GRM3: variants seen among roughly 807,000 people sequenced by gnomAD.
The protein encoded by GRM3 is glutamate metabotropic receptor 3.
In GRM3, 26 loss-of-function variants were observed where a neutral mutation model predicts 70.5. That is an observed-to-expected ratio of 0.37 (90% CI 0.27 to 0.51). The LOEUF (loss-of-function observed/expected upper bound fraction) is 0.51, where lower values mean the gene tolerates loss of function less well. Among genes scored for constraint, GRM3 ranks in the 20% least tolerant of loss-of-function variants. The probability of loss-of-function intolerance (pLI) is 0.93; values close to 1 mark genes in which losing one functional copy is unlikely to be tolerated. For synonymous variants in GRM3, 443 were observed against 434.9 expected, an observed-to-expected ratio of 1.02 and a Z score of -0.23; for missense variants, 859 against 1,123.8, an observed-to-expected ratio of 0.76 and a Z score of 3.37.
At chr7:86,825,389 G>T (rs1798211570) in intron 3 of GRM3, among the ~76,000 whole-genome samples, 1 of 152,220 alleles carries the variant, frequency 6.6e-6, no homozygotes, top group Admixed American at 6.5e-5. Flanking sequence ...TATGCTTGAA[G>T]ATTTGACAAG....
chr7:86,646,408 T>C (rs1793473990), intron 1 of GRM3, among the ~76,000 whole-genome samples: 2 of 152,258 alleles, frequency 1.3e-5, no homozygotes, highest in East Asian at 1.9e-4. Flanking sequence ...CAGGAGTACA[T>C]AGATATTTTG....
chr7:86,712,583 A>T (rs979253051), intron 1 of GRM3, among the ~76,000 whole-genome samples: 1 of 151,976 alleles, frequency 6.6e-6, no homozygotes, highest in Non-Finnish European at 1.5e-5. Flanking sequence ...ACTAGGTCGT[A>T]TTTCTTTTTA....
At chr7:86,721,957 G>A (rs772890111) in intron 1 of GRM3, among the ~76,000 whole-genome samples, 17 of 152,116 alleles carry the variant, frequency 1.1e-4, no homozygotes, top group Non-Finnish European at 1.8e-4. Flanking sequence ...AACTAGAATT[G>A]GCAGAACCTT....
At chr7:86,820,667 C>T (rs892742045) in intron 3 of GRM3, among the ~76,000 whole-genome samples, 1 of 152,034 alleles carries the variant, frequency 6.6e-6, no homozygotes, top group Non-Finnish European at 1.5e-5. Flanking sequence ...GGCTCCTTGC[C>T]TTCAGTCTCA....
At chr7:86,751,337 G>A (rs1293813854) in intron 1 of GRM3, among the ~76,000 whole-genome samples, 2 of 152,024 alleles carry the variant, frequency 1.3e-5, no homozygotes, top group African/African-American at 4.8e-5. Context: ...TTTGAGTTAT[G>A]TTTTGTTTAG....
In GRM3 at chr7:86,644,882, C is replaced by T; in HGVS notation, c.-141+10C>T. 7.8e-7 allele frequency: 1 copy of T among 1,274,520 alleles called. No individual in the cohort carries two copies. The highest frequency in any genetic ancestry group is 1.2e-5 in the South Asian group (1 of 80,672). The allele number at this position is 1,274,520 out of a possible 1,614,324, so 79.0% of individuals were successfully genotyped here. ...GAGTTGTCGGTGCGAGGTAAGGGTC[C>T]CAGAGGAGGACGTGTCCCTCTGGAG... On this transcript the variant is annotated intron_variant, in intron 1 of 5. Transcript: ENST00000361669.
At chr7:86,806,727 T>C (rs1017654666) in intron 3 of GRM3, among the ~76,000 whole-genome samples, 6 of 152,218 alleles carry the variant, frequency 3.9e-5, no homozygotes, top group Non-Finnish European at 7.3e-5. Flanking sequence ...TTTCCTTTGC[T>C]GTGCAGAAGC....
intron 1 of GRM3, among the ~76,000 whole-genome samples, chr7:86,652,078 G>A (rs1793619693): frequency 6.6e-6 from 1 of 152,056 alleles, no homozygotes; most frequent in Non-Finnish European, 1.5e-5. Flanking sequence ...CGTACTTCAC[G>A]ACCTTGTCTA....
At chr7:86,661,957 TATA>T (rs1421042233) in intron 1 of GRM3, among the ~76,000 whole-genome samples, 5 of 151,876 alleles carry the variant, frequency 3.3e-5, no homozygotes, top group Admixed American at 1.3e-4. Flanking sequence ...GCACATCTTA[TATA>T]ATAATATTTT....
intron 1 of GRM3, among the ~76,000 whole-genome samples, chr7:86,699,995 G>C (rs1380507613): frequency 6.6e-6 from 1 of 151,898 alleles, no homozygotes; most frequent in Non-Finnish European, 1.5e-5. Flanking sequence ...CCCACACTAG[G>C]CTTCACAGCA....
rs1797251842 is a variant in GRM3, at chr7:86,786,545, C to A, written c.753C>A (p.Asn251Lys). 1.9e-6 allele frequency: 3 copies of A among 1,614,092 alleles called. No individual in the cohort carries two copies. The highest frequency in any genetic ancestry group is 2.5e-6 in the Non-Finnish European group (3 of 1,180,048). The stretch of plus-strand genomic sequence containing the variant: ...CGGCGGAGAAGGTGGGCCGCTCCAA[C>A]ATCCGCAAGTCCTACGACAGCGTGA... ...IATAEKVGRSNIRKSYDSVIR... is the reference protein window; with the variant it reads ...IATAEKVGRSKIRKSYDSVIR... Residue 251 changes from asparagine (N) to lysine (K), a missense_variant, in exon 3 of 6, where the codon AAC becomes AAA. Coordinates refer to ENST00000361669, the MANE Select transcript of GRM3 (RefSeq NM_000840.3). This position sits in a 1 kb window ranked among gnomAD's most constrained non-coding sequence, Gnocchi z 6.0.
At chr7:86,663,959 T>C (rs1189714162) in intron 1 of GRM3, among the ~76,000 whole-genome samples, 1 of 151,930 alleles carries the variant, frequency 6.6e-6, no homozygotes, top group Non-Finnish European at 1.5e-5. Context: ...CAAGCTGTAT[T>C]CAGTGACATG....
chr7:86,680,843 A>T (rs1740186422), intron 1 of GRM3, among the ~76,000 whole-genome samples: 2 of 152,094 alleles, frequency 1.3e-5, no homozygotes, highest in African/African-American at 4.8e-5. Context: ...TTTCATAGGT[A>T]CTTCTTTTTG....
At chr7:86,807,964 A>T (rs1206376571) in intron 3 of GRM3, among the ~76,000 whole-genome samples, 1 of 152,092 alleles carries the variant, frequency 6.6e-6, no homozygotes, top group Non-Finnish European at 1.5e-5. Flanking sequence ...AGGGCTGTTG[A>T]ATTTTGTTGA....
At chr7:86,660,999 G>A (rs960074314) in intron 1 of GRM3, among the ~76,000 whole-genome samples, 1 of 151,910 alleles carries the variant, frequency 6.6e-6, no homozygotes, top group Non-Finnish European at 1.5e-5. Context: ...AATAATTCCT[G>A]TCCTCAAAGA....
At chr7:86,767,891 C>T (rs1180781277) in intron 2 of GRM3, among the ~76,000 whole-genome samples, 1 of 152,004 alleles carries the variant, frequency 6.6e-6, no homozygotes, top group South Asian at 2.1e-4. Context: ...ATGTGGGCTA[C>T]CAAAACCCTG....
At chr7:86,843,357 A>G (rs950204610) in intron 4 of GRM3, among the ~76,000 whole-genome samples, 2 of 152,226 alleles carry the variant, frequency 1.3e-5, no homozygotes, top group African/African-American at 2.4e-5. Flanking sequence ...AGACGCATCC[A>G]TAATATGAAG....
chr7:86,831,903 T>C (rs1584270004), intron 3 of GRM3, among the ~76,000 whole-genome samples: 1 of 152,022 alleles, frequency 6.6e-6, no homozygotes, highest in African/African-American at 2.4e-5. Flanking sequence ...GACTGAGTAC[T>C]GAAGACATCT....
At chr7:86,692,922 G>A (rs1460778353) in intron 1 of GRM3, among the ~76,000 whole-genome samples, 1 of 152,172 alleles carries the variant, frequency 6.6e-6, no homozygotes, top group Non-Finnish European at 1.5e-5. Flanking sequence ...TTATTTTGGA[G>A]AGGAGGGGAA....
Sources: allele counts gnomAD v4.1 joint callset (sites outside exome capture counted in the v4.1 genomes callset), GRCh38; gene constraint gnomAD v4.1.1; non-coding constraint Gnocchi (gnomAD v3.1); transcripts MANE v1.5; gene names NCBI Gene and HGNC (gene_info 2026-07-23, HGNC 2026-07-21).